Variants in HYDIN observed in about 807,000 individuals in gnomAD.
HYDIN encodes the protein axonemal central pair apparatus protein HYDIN.
Under a neutral mutation model 403.9 loss-of-function variants are expected in HYDIN, and 132 were observed. The observed-to-expected ratio is 0.33, with a 90% CI of 0.28 to 0.38. HYDIN has a LOEUF of 0.38. Ranked by LOEUF, HYDIN falls within the 10% of genes least tolerant of loss-of-function variation. HYDIN has a pLI of 1.00. For missense variants in HYDIN, 2,827 were observed against 5,009.5 expected, an observed-to-expected ratio of 0.56 and a Z score of 13.15; for synonymous variants, 1,202 against 1,891.7, an observed-to-expected ratio of 0.64 and a Z score of 9.46.
At chr16:70,821,588 T>C in intron 83 of HYDIN, among the ~76,000 whole-genome samples, 1 of 151,762 alleles carries the variant, frequency 6.6e-6, no homozygotes, top group Admixed American at 6.6e-5. Flanking sequence ...CTGTAATATG[T>C]ATTTTTCCCC....
intron 84 of HYDIN, among the ~76,000 whole-genome samples, chr16:70,813,673 C>T (rs997679529): frequency 6.6e-6 from 1 of 152,104 alleles, no homozygotes; most frequent in African/African-American, 2.4e-5. Flanking sequence ...TCAATGTAAT[C>T]CAAATCAAAA....
At chr16:71,089,358 C>T (rs1284220992) in intron 11 of HYDIN, among the ~76,000 whole-genome samples, 1 of 151,966 alleles carries the variant, frequency 6.6e-6, no homozygotes, top group Non-Finnish European at 1.5e-5. Flanking sequence ...CTTCCAAAGA[C>T]ACCACCTCTG....
intron 3 of HYDIN, among the ~76,000 whole-genome samples, chr16:71,180,789 C>T (rs1293675942): frequency 6.6e-6 from 1 of 151,998 alleles, no homozygotes; most frequent in Non-Finnish European, 1.5e-5. Context: ...AAAGTAATTG[C>T]TTATTTCAAA....
chr16:71,049,687 G>A (rs1353403390), intron 18 of HYDIN, among the ~76,000 whole-genome samples: 1 of 150,006 alleles, frequency 6.7e-6, no homozygotes, highest in Non-Finnish European at 1.5e-5. Flanking sequence ...AAATGCACCC[G>A]AGATTCTTAA....
At chr16:71,191,594 A>G (rs2087440222) in intron 1 of HYDIN, among the ~76,000 whole-genome samples, 1 of 152,170 alleles carries the variant, frequency 6.6e-6, no homozygotes, top group African/African-American at 2.4e-5. Context: ...ACCACACAGC[A>G]GCCTAGACTC....
In HYDIN at chr16:70,921,175, C is replaced by T. The variant is rs772680657; in HGVS notation, c.7201G>A (p.Glu2401Lys). 12 of 1,459,200 alleles carry T rather than the reference C, an allele frequency of 8.2e-6. No individual in the cohort carries two copies. Among genetic ancestry groups the T allele is most frequent in the East Asian group, 4.5e-5 (2 of 44,128 alleles). The allele number at this position is 1,459,200 out of a possible 1,614,324, so 90.4% of individuals were successfully genotyped here. ...TKVDVKMETI[E>K]RKISVREQTM... is the part of the protein sequence containing the mutation. ...TGTTCCCTAACAGATATTTTCCTTT[C>T]GATTGTCTCCATCTTGACATCCACT... The change falls in exon 46 of 86, where the codon GAA (glutamate) becomes AAA (lysine). Residue 2401 changes from glutamate (E) to lysine (K), a missense_variant. By Grantham distance (56) the Glu-to-Lys change is moderately conservative. Transcript: ENST00000393567.
chr16:71,063,430 T>C (rs2082156362), intron 16 of HYDIN, among the ~76,000 whole-genome samples: 2 of 152,402 alleles, frequency 1.3e-5, no homozygotes, highest in South Asian at 4.1e-4. Flanking sequence ...GTAATGGAAA[T>C]ACTAAGTATC....
intron 21 of HYDIN, among the ~76,000 whole-genome samples, chr16:71,024,723 C>T (rs1290496387): frequency 7.2e-6 from 1 of 139,676 alleles, no homozygotes; most frequent in East Asian, 2.0e-4. Flanking sequence ...ACTATCCTGA[C>T]CCCCCGCCCT....
intron 22 of HYDIN, 32 bp downstream of exon 22, chr16:71,020,142 C>T: frequency 6.2e-7 from 1 of 1,609,926 alleles, no homozygotes; most frequent in African/African-American, 1.3e-5. Context: ...CCACCCCAGA[C>T]AGCTTGCCAG....
intron 1 of HYDIN, among the ~76,000 whole-genome samples, chr16:71,198,930 C>T (rs779683228): frequency 6.6e-6 from 1 of 152,164 alleles, no homozygotes; most frequent in Non-Finnish European, 1.5e-5. Flanking sequence ...AGTGGTTGTA[C>T]CTATTTATAC....
chr16:70,809,846 G>A lies in HYDIN; in HGVS notation c.14820C>T (p.Ser4940=), dbSNP rs772687296. 22 of 1,614,218 alleles carry A rather than the reference G, an allele frequency of 1.4e-5. No homozygotes were observed. In the South Asian group the frequency reaches 2.4e-4, roughly 18 times the overall value. The change falls in exon 85 of 86, where the codon AGC becomes AGT. Residue 4940 remains serine, a synonymous_variant. Transcript: ENST00000393567. ...KPVHFQTVLG[S]SQIILVKFIN... ...TGAACTTCACAAGGATGATTTGGCT[G>A]CTGCCAAGGACAGTCTGGAAGTGAA...
chr16:70,982,575 T>TAC (rs2079078992), intron 28 of HYDIN, among the ~76,000 whole-genome samples: 1 of 108,886 alleles, frequency 9.2e-6, no homozygotes, highest in Admixed American at 9.7e-5. Context: ...TCCAGCAATA[T>TAC]ATATATATAA....
intron 74 of HYDIN, 106 bp from the exon 75 acceptor site, chr16:70,850,053 C>T: frequency 1.7e-6 from 1 of 605,166 alleles, no homozygotes; most frequent in East Asian, 2.8e-5. Flanking sequence ...ATAAGGATGG[C>T]AGATGATGTT....
intron 13 of HYDIN, among the ~76,000 whole-genome samples, chr16:71,072,357 T>A (rs536461183): frequency 2.7e-3 from 407 of 151,640 alleles, no homozygotes; most frequent in Non-Finnish European, 4.4e-3. Context: ...TAGGCCCAGC[T>A]CACAAAGTTC....
chr16:70,882,072 T>C (rs1003336026), intron 60 of HYDIN, among the ~76,000 whole-genome samples: 2 of 152,282 alleles, frequency 1.3e-5, no homozygotes, highest in African/African-American at 4.8e-5. Context: ...GGATGAAGCT[T>C]GGCTTTAAGC....
intron 1 of HYDIN, among the ~76,000 whole-genome samples, chr16:71,223,888 T>C (rs2040914780): frequency 6.6e-6 from 1 of 152,114 alleles, no homozygotes; most frequent in African/African-American, 2.4e-5. Context: ...GGAATGCAAA[T>C]TAGTACAACC....
chr16:71,038,583 G>A (rs1314570371), intron 18 of HYDIN, among the ~76,000 whole-genome samples: 1 of 151,088 alleles, frequency 6.6e-6, no homozygotes, highest in Non-Finnish European at 1.5e-5. Flanking sequence ...TTTCTTTGGA[G>A]TTACACTATT....
At chr16:70,885,904 T>TTCATA (rs2041100986) in intron 58 of HYDIN, among the ~76,000 whole-genome samples, 1 of 151,588 alleles carries the variant, frequency 6.6e-6, no homozygotes, top group Non-Finnish European at 1.5e-5. Context: ...ATTATTGCTG[T>TTCATA]TCATAGAGTG....
intron 1 of HYDIN, among the ~76,000 whole-genome samples, chr16:71,230,342 C>T (rs2041224823): frequency 6.6e-6 from 1 of 152,174 alleles, no homozygotes; most frequent in African/African-American, 2.4e-5. Flanking sequence ...GCCCTTCAGG[C>T]TACCTGTCTG....
Sources: allele counts gnomAD v4.1 joint callset (sites outside exome capture counted in the v4.1 genomes callset), GRCh38; gene constraint gnomAD v4.1.1; transcripts MANE v1.5; gene names NCBI Gene and HGNC (gene_info 2026-07-23, HGNC 2026-07-21).